The following PRKAR2B variants were observed in gnomAD, a reference collection of about 807,000 sequenced individuals.
PRKAR2B encodes the protein cAMP-dependent protein kinase type II-beta regulatory subunit.
PRKAR2B carries 14 observed loss-of-function variants against 49.9 expected under a neutral mutation model. The observed-to-expected ratio is 0.28, with a 90% CI of 0.19 to 0.44. PRKAR2B has a LOEUF of 0.44. Among genes scored for constraint, PRKAR2B ranks in the 20% least tolerant of loss-of-function variants. PRKAR2B has a pLI of 1.00. For missense variants in PRKAR2B, 393 were observed against 537.9 expected (o/e 0.73, Z 2.67); for synonymous variants, 196 against 197.7 (o/e 0.99, Z 0.07).
chr7:107,083,568 A>G (rs1794556756), intron 2 of PRKAR2B, among the ~76,000 whole-genome samples: 1 of 152,086 alleles, frequency 6.6e-6, no homozygotes, highest in Non-Finnish European at 1.5e-5. Flanking sequence ...TATTTTTAAT[A>G]TTATTAATTT....
intron 2 of PRKAR2B, among the ~76,000 whole-genome samples, chr7:107,073,277 CA>C (rs1372340103): frequency 6.6e-6 from 1 of 152,114 alleles, no homozygotes; most frequent in Non-Finnish European, 1.5e-5. Flanking sequence ...ATTATTTTTA[CA>C]CTTTTAAGAA....
rs114819965 is a variant in PRKAR2B, at chr7:107,061,447, A to G, written c.308-8834A>G. On this transcript the variant is annotated intron_variant, in intron 1 of 10. Coordinates refer to ENST00000265717, the MANE Select transcript of PRKAR2B (RefSeq NM_002736.3). ...TAATTTTCTCCATAAGGATTTTGCT[A>G]TCTTTTCTTAGGTTTATTCCTATGT... 4.7e-3 allele frequency among the ~76,000 whole-genome samples: 712 copies of G among 152,298 alleles called. 6 individuals carry two copies. Among genetic ancestry groups the G allele is most frequent in the African/African-American group, 0.016 (682 of 41,566 alleles).
At chr7:107,092,030 A>G (rs1794740234) in intron 2 of PRKAR2B, 1 of 152,186 alleles carries the variant, frequency 6.6e-6, no homozygotes, top group Non-Finnish European at 1.5e-5. Flanking sequence ...GGGTAGTGGA[A>G]GGAATAAATT....
intron 5 of PRKAR2B, among the ~76,000 whole-genome samples, chr7:107,143,070 C>A: frequency 6.6e-6 from 1 of 152,202 alleles, no homozygotes; most frequent in Middle Eastern, 3.4e-3. Flanking sequence ...GCCTAGCCTG[C>A]GGTATTTTAA....
chr7:107,100,970 A>G (rs945928529), intron 2 of PRKAR2B, among the ~76,000 whole-genome samples: 1 of 152,042 alleles, frequency 6.6e-6, no homozygotes, highest in Non-Finnish European at 1.5e-5. Context: ...AAGTCTAACA[A>G]CTGGCCCAAT....
chr7:107,159,224 A>T (rs1255874121), intron 10 of PRKAR2B, among the ~76,000 whole-genome samples: 1 of 152,150 alleles, frequency 6.6e-6, no homozygotes, highest in Non-Finnish European at 1.5e-5. Context: ...AGCATTGCTC[A>T]TCATATTGCC....
At chr7:107,050,972 A>G (rs1302468628) in intron 1 of PRKAR2B, among the ~76,000 whole-genome samples, 1 of 152,168 alleles carries the variant, frequency 6.6e-6, no homozygotes, top group Non-Finnish European at 1.5e-5. Context: ...TTGGAATTAG[A>G]GGCGTGAGCC....
intron 2 of PRKAR2B, among the ~76,000 whole-genome samples, chr7:107,073,544 T>A (rs184765194): frequency 6.6e-6 from 1 of 152,276 alleles, no homozygotes; most frequent in East Asian, 1.9e-4. Context: ...TAGGACCCAA[T>A]TTTACTGATT....
At chr7:107,068,237 A>G (rs1171405593) in intron 1 of PRKAR2B, among the ~76,000 whole-genome samples, 2 of 152,178 alleles carry the variant, frequency 1.3e-5, no homozygotes, top group African/African-American at 4.8e-5. Flanking sequence ...CCAGGAGCTC[A>G]TAGTCCTGTG....
intron 2 of PRKAR2B, among the ~76,000 whole-genome samples, chr7:107,083,359 T>A (rs1348221989): frequency 7.2e-5 from 11 of 151,764 alleles, no homozygotes; most frequent in Admixed American, 7.2e-4. Flanking sequence ...CTTAGTAGTC[T>A]AATTTGCAAA....
chr7:107,098,169 T>C (rs959045192), intron 2 of PRKAR2B, among the ~76,000 whole-genome samples: 2 of 152,238 alleles, frequency 1.3e-5, no homozygotes, highest in Non-Finnish European at 2.9e-5. Flanking sequence ...GATTTGGTCT[T>C]TCACATAGTC....
intron 5 of PRKAR2B, among the ~76,000 whole-genome samples, chr7:107,145,619 A>T (rs998190573): frequency 6.6e-6 from 1 of 151,384 alleles, no homozygotes; most frequent in Non-Finnish European, 1.5e-5. Context: ...GGATCTTGCT[A>T]TGTTGCCCAG....
chr7:107,044,958 G>A lies in PRKAR2B; in HGVS notation c.51G>A (p.Thr17=), dbSNP rs745684074. Residue 17 remains threonine (T), a synonymous_variant, in exon 1 of 11, where the codon ACG becomes ACA. Coordinates refer to ENST00000265717, the MANE Select transcript of PRKAR2B (RefSeq NM_002736.3). ...TGACGGAGCTGCTGCAGGGCTTCACGGTGGAGGTGCTGAGGCACCAGCCCG... is the reference window on the plus strand; with the variant it reads ...TGACGGAGCTGCTGCAGGGCTTCACAGTGGAGGTGCTGAGGCACCAGCCCG... ...AGLTELLQGF[T]VEVLRHQPAD... is the part of the protein sequence containing the mutation. The A allele has an allele frequency of 2.7e-5, 43 of 1,595,438 alleles. No individual in the cohort carries two copies. Among genetic ancestry groups the A allele is most frequent in the Non-Finnish European group, 3.5e-5 (41 of 1,173,478 alleles).
Position 107,140,897 on chromosome 7 carries a change from T to C in PRKAR2B, c.531T>C (p.Asp177=). Residue 177 remains aspartate, a synonymous_variant, in exon 5 of 11, where the codon GAT becomes GAC. Transcript: ENST00000265717. ...CCATGTTTGAAAAATTGGTCAAAGA[T>C]GGGGAGCATGTAATTGATCAAGGTG... ...LDAMFEKLVK[D]GEHVIDQGDD... The C allele has an allele frequency of 6.2e-7, 1 of 1,613,192 alleles. No homozygotes were observed.
At chr7:107,094,507 T>C (rs1450953876) in intron 2 of PRKAR2B, among the ~76,000 whole-genome samples, 1 of 152,196 alleles carries the variant, frequency 6.6e-6, no homozygotes, top group Non-Finnish European at 1.5e-5. Context: ...AGCTCTTTAG[T>C]TTACTTAGAT....
intron 2 of PRKAR2B, among the ~76,000 whole-genome samples, chr7:107,104,165 A>G (rs1795029352): frequency 6.6e-6 from 1 of 152,022 alleles, no homozygotes; most frequent in Non-Finnish European, 1.5e-5. Flanking sequence ...CCAAGTAGCT[A>G]GGACTACAGC....
chr7:107,148,694 T>C (rs1239841250), intron 6 of PRKAR2B, among the ~76,000 whole-genome samples: 7 of 152,162 alleles, frequency 4.6e-5, no homozygotes, highest in Non-Finnish European at 1.0e-4. Context: ...GTCAACAGAC[T>C]GGAGGTCTGC....
In PRKAR2B at chr7:107,051,198, T is replaced by G. The variant is rs1277706275; in HGVS notation, c.307+5984T>G. On this transcript the variant is annotated intron_variant, in intron 1 of 10. Transcript: ENST00000265717. ...TTATATTAACTTACATCATATGAAT[T>G]TTTTCTGTCTTCCATCAAGTTGATT... Among the ~76,000 whole-genome samples the G allele has an allele frequency of 2.0e-5, 3 of 152,232 alleles. No homozygotes were observed. The South Asian group carries it at 6.2e-4, about 32-fold the overall frequency.
chr7:107,106,468 C>G (rs927218700), intron 2 of PRKAR2B, among the ~76,000 whole-genome samples: 4 of 152,160 alleles, frequency 2.6e-5, no homozygotes, highest in Non-Finnish European at 5.9e-5. Flanking sequence ...AAAGACTTGG[C>G]CAACTTAATA....
Sources: allele counts gnomAD v4.1 joint callset (sites outside exome capture counted in the v4.1 genomes callset), GRCh38; gene constraint gnomAD v4.1.1; transcripts MANE v1.5; gene names NCBI Gene and HGNC (gene_info 2026-07-23, HGNC 2026-07-21).